MAP3K19: variants seen among roughly 807,000 people sequenced by gnomAD.
MAP3K19 encodes the protein mitogen-activated protein kinase kinase kinase 19.
Under a neutral mutation model 114.4 loss-of-function variants are expected in MAP3K19, and 91 were observed. The observed-to-expected ratio is 0.80, with a 90% CI of 0.67 to 0.95. The LOEUF (loss-of-function observed/expected upper bound fraction) is 0.95. Among genes scored for constraint, MAP3K19 ranks in the 40% least tolerant of loss-of-function variants. The probability of loss-of-function intolerance (pLI) is 0.00; values close to 1 mark genes in which losing one functional copy is unlikely to be tolerated. For missense variants in MAP3K19, 1,471 were observed against 1,573.2 expected (o/e 0.94, Z 1.10); for synonymous variants, 518 against 530.5 (o/e 0.98, Z 0.32).
rs1375320084 is a variant in MAP3K19, at chr2:134,999,936, C to A, written c.314+1G>T. The stretch of plus-strand genomic sequence containing the variant: ...CTGATACTTCAAAGAATATTCCTTA[C>A]TTCTTTTCTTTTAAGTCTTCTTGGC... On this transcript the variant is annotated splice_donor_variant, in intron 7 of 12. Transcript: ENST00000392915. LOFTEE classifies it high-confidence loss of function. This position sits in a 1 kb window ranked among gnomAD's most constrained non-coding sequence, Gnocchi z 4.1. The A allele has an allele frequency of 8.2e-6, 13 of 1,587,254 alleles. No individual in the cohort carries two copies. Among genetic ancestry groups the A allele is most frequent in the Non-Finnish European group, 1.1e-5 (13 of 1,155,700 alleles).
intron 8 of MAP3K19, among the ~76,000 whole-genome samples, chr2:134,992,709 G>A (rs945709583): frequency 1.3e-5 from 2 of 150,868 alleles, no homozygotes; most frequent in East Asian, 1.9e-4. Context: ...TCGCTCTGTC[G>A]CCCAGGCTGG....
rs186360805 is a variant in MAP3K19, at chr2:134,993,360, A to T, written c.575-1780T>A. Among the ~76,000 whole-genome samples, 169 of 152,352 alleles carry T rather than the reference A, an allele frequency of 1.1e-3. 3 individuals are homozygous for T. The Middle Eastern group carries it at 0.044, about 40-fold the overall frequency. Reference sequence around the variant, plus strand: ...GAAGAGGACCCCAACAGGCAACAGGAGGGGGCACAGGCATTCCCCTTGGAC... The same window carrying T: ...GAAGAGGACCCCAACAGGCAACAGGTGGGGGCACAGGCATTCCCCTTGGAC... On this transcript the variant is annotated intron_variant, in intron 8 of 12. Coordinates refer to ENST00000392915, the MANE Select transcript of MAP3K19 (RefSeq NM_025052.5).
intron 6 of MAP3K19, among the ~76,000 whole-genome samples, chr2:135,002,064 T>C (rs1686481023): frequency 6.6e-6 from 1 of 152,146 alleles, no homozygotes. Context: ...GGATAAGGCC[T>C]CTCAAGCTAC....
chr2:135,010,523 T>C (rs533748045), intron 5 of MAP3K19, among the ~76,000 whole-genome samples: 3 of 152,306 alleles, frequency 2.0e-5, no homozygotes, highest in African/African-American at 4.8e-5. Context: ...CGGGAGCTGA[T>C]AGATGGATAA....
intron 10 of MAP3K19, 147 bp downstream of exon 10, chr2:134,985,653 C>A: frequency 2.9e-6 from 2 of 680,888 alleles, no homozygotes; most frequent in South Asian, 3.1e-5. Context: ...ACCTGATTTC[C>A]AACCTTGTGA....
chr2:134,979,767 G>A (rs1684498207), intron 12 of MAP3K19, among the ~76,000 whole-genome samples: 2 of 151,548 alleles, frequency 1.3e-5, no homozygotes, highest in African/African-American at 4.9e-5. Flanking sequence ...CCCCTGGAGT[G>A]GCATTCCTGC....
At chr2:135,045,411 G>T (rs753953692) in intron 1 of MAP3K19, among the ~76,000 whole-genome samples, 2 of 152,148 alleles carry the variant, frequency 1.3e-5, no homozygotes, top group Non-Finnish European at 2.9e-5. Context: ...TTGTAACTTA[G>T]ATTTACATAC....
chr2:135,025,424 C>T (rs568427980), intron 3 of MAP3K19, among the ~76,000 whole-genome samples: 5,635 of 120,662 alleles, frequency 0.047, 440 homozygotes, highest in African/African-American at 0.17. Context: ...CTTGCTCTGT[C>T]ACCCAGGCTG....
At chr2:135,027,103 G>A (rs1029882076) in intron 3 of MAP3K19, among the ~76,000 whole-genome samples, 1 of 152,036 alleles carries the variant, frequency 6.6e-6, no homozygotes, top group East Asian at 1.9e-4. Flanking sequence ...AAATTAGCCG[G>A]GCATAGTGGT....
chr2:135,005,285 C>A (rs889925078), intron 6 of MAP3K19, 150 bp downstream of exon 6: 9 of 602,588 alleles, frequency 1.5e-5, no homozygotes, highest in Non-Finnish European at 8.8e-6. Context: ...AATTATTTTT[C>A]CTGATCCTCT....
intron 5 of MAP3K19, among the ~76,000 whole-genome samples, chr2:135,007,428 A>G (rs1399440963): frequency 3.9e-5 from 6 of 152,214 alleles, no homozygotes; most frequent in African/African-American, 1.2e-4. Context: ...TGTGTTACAA[A>G]TGATTCAATT....
At chr2:135,038,906 T>A (rs925800956) in intron 2 of MAP3K19, among the ~76,000 whole-genome samples, 30 of 152,040 alleles carry the variant, frequency 2.0e-4, no homozygotes, top group Non-Finnish European at 4.1e-4. Context: ...AGTTTGTTTT[T>A]ATAATATTCA....
chr2:135,038,777 G>C (rs552225113), intron 2 of MAP3K19, among the ~76,000 whole-genome samples: 1 of 152,056 alleles, frequency 6.6e-6, no homozygotes, highest in East Asian at 1.9e-4. Flanking sequence ...AGAATCGCTT[G>C]AGCCCAGGAG....
rs959413409 is a variant in MAP3K19, at chr2:134,968,164, A to G, written c.3921-3248T>C. Among the ~76,000 whole-genome samples the G allele has an allele frequency of 5.6e-4, 85 of 152,130 alleles. 1 individual carries two copies. Among genetic ancestry groups the G allele is most frequent in the Non-Finnish European group, 1.2e-4 (8 of 68,000 alleles). On this transcript the variant is annotated intron_variant, in intron 12 of 12. Coordinates refer to ENST00000392915, the MANE Select transcript of MAP3K19 (RefSeq NM_025052.5). ...GGACACAGCACATGTTTCAGAGAGC[A>G]CAGGGTTGGGGGTAAGGTCACAGAT...
chr2:135,031,876 C>T (rs1688388865), intron 2 of MAP3K19, among the ~76,000 whole-genome samples: 1 of 152,156 alleles, frequency 6.6e-6, no homozygotes, highest in African/African-American at 2.4e-5. Flanking sequence ...CTTCAGTGTA[C>T]TTTTATCTGT....
At chr2:134,978,950 T>C (rs561222725) in intron 12 of MAP3K19, among the ~76,000 whole-genome samples, 2 of 152,332 alleles carry the variant, frequency 1.3e-5, no homozygotes, top group South Asian at 4.1e-4. Context: ...TGGCCTGACT[T>C]CCCAGAACTT....
chr2:135,007,676 T>C (rs189303860), intron 5 of MAP3K19, among the ~76,000 whole-genome samples: 11 of 152,192 alleles, frequency 7.2e-5, no homozygotes, highest in Non-Finnish European at 1.0e-4. Context: ...CTGGCAAAAG[T>C]TGGGTGCCCT....
At chr2:135,012,757 A>G (rs1161206164) in intron 5 of MAP3K19, among the ~76,000 whole-genome samples, 1 of 152,180 alleles carries the variant, frequency 6.6e-6, no homozygotes, top group Non-Finnish European at 1.5e-5. Context: ...GCAGTTAATA[A>G]TTTAATGTTC....
chr2:134,980,718 T>C, intron 12 of MAP3K19, 103 bp downstream of exon 12: 1 of 1,070,962 alleles, frequency 9.3e-7, no homozygotes, highest in Non-Finnish European at 1.3e-6. Flanking sequence ...CTTGACTTCA[T>C]AACCAAAACA....
Sources: gnomAD v4.1 joint callset for allele counts (sites outside exome capture counted in the v4.1 genomes callset) on GRCh38, gnomAD v4.1.1 for gene constraint, Gnocchi (gnomAD v3.1) non-coding constraint, MANE v1.5 for transcripts, NCBI Gene and HGNC (gene_info 2026-07-23, HGNC 2026-07-21) for gene names.